The following NCKAP5 variants were observed in gnomAD, a reference collection of about 807,000 sequenced individuals.
NCKAP5 encodes nck-associated protein 5.
NCKAP5 carries 92 observed loss-of-function variants against 167.0 expected under a neutral mutation model. That is an observed-to-expected ratio of 0.55 (90% CI 0.47 to 0.66). The LOEUF is 0.66. Ranked by LOEUF, NCKAP5 falls within the 30% of genes least tolerant of loss-of-function variation. The pLI is 0.00. For synonymous variants in NCKAP5, 891 were observed against 877.4 expected (o/e 1.02, Z -0.27); for missense variants, 2,378 against 2,315.0 (o/e 1.03, Z -0.56).
At chr2:132,912,836 T>TC (rs1694559212) in intron 8 of NCKAP5, among the ~76,000 whole-genome samples, 1 of 152,150 alleles carries the variant, frequency 6.6e-6, no homozygotes, top group South Asian at 2.1e-4. Context: ...TTAATCATCC[T>TC]CCCCCTGTAT....
intron 3 of NCKAP5, among the ~76,000 whole-genome samples, chr2:133,507,213 G>A (rs565801094): frequency 3.9e-5 from 6 of 152,224 alleles, no homozygotes; most frequent in African/African-American, 1.4e-4. Context: ...CTCCAAAAAC[G>A]GCAGGCCTCT....
chr2:133,276,910 G>C (rs2089752144), intron 4 of NCKAP5, among the ~76,000 whole-genome samples: 1 of 151,996 alleles, frequency 6.6e-6, no homozygotes, highest in Non-Finnish European at 1.5e-5. Context: ...ATGACACCCT[G>C]TTAATAAATC....
Position 132,783,064 on chromosome 2 carries a change from T to A in NCKAP5, c.3747A>T (p.Arg1249Ser), listed in dbSNP as rs1274640083. 1 of 1,613,786 alleles carries A rather than the reference T, an allele frequency of 6.2e-7. No individual in the cohort carries two copies. The highest frequency in any genetic ancestry group is 1.3e-5 in the African/African-American group (1 of 75,010). ...GSDGRDGVDN[R>S]SMRRSLSSSK... The stretch of plus-strand genomic sequence containing the variant: ...TGGAGGAAAGGGATCTTCTCATGGA[T>A]CTATTATCTACCCCATCCCTTCCAT... Residue 1249 changes from arginine (R) to serine (S), a missense_variant, in exon 14 of 20, where the codon AGA (arginine) becomes AGT (serine). By Grantham distance (110) the Arg-to-Ser change is moderately radical. This residue lies in a region of NCKAP5 where 1,325 missense variants were observed against 1,274.5 expected (regional missense o/e 1.04). Transcript: ENST00000409261.
intron 5 of NCKAP5, among the ~76,000 whole-genome samples, chr2:133,142,715 A>G (rs936687868): frequency 6.6e-6 from 1 of 152,168 alleles, no homozygotes; most frequent in Non-Finnish European, 1.5e-5. Flanking sequence ...TGAGGTCACT[A>G]AGTCCAATTG....
intron 6 of NCKAP5, among the ~76,000 whole-genome samples, chr2:133,085,877 G>C (rs928968535): frequency 6.6e-6 from 1 of 152,160 alleles, no homozygotes; most frequent in Non-Finnish European, 1.5e-5. Flanking sequence ...AAGTAGATGA[G>C]AAAAGGTAAA....
intron 8 of NCKAP5, among the ~76,000 whole-genome samples, chr2:132,955,300 G>T (rs1392533195): frequency 6.6e-6 from 1 of 152,192 alleles, no homozygotes; most frequent in Non-Finnish European, 1.5e-5. Flanking sequence ...AGCCACTGAA[G>T]AGCACTTTGG....
At chr2:133,564,802 C>T (rs1030100843) in intron 1 of NCKAP5, among the ~76,000 whole-genome samples, 1 of 152,046 alleles carries the variant, frequency 6.6e-6, no homozygotes, top group Non-Finnish European at 1.5e-5. Context: ...CAGGTGCCAC[C>T]GTGGGAAAGG....
intron 3 of NCKAP5, among the ~76,000 whole-genome samples, chr2:133,385,275 A>G (rs1386188159): frequency 1.3e-5 from 2 of 152,160 alleles, no homozygotes; most frequent in African/African-American, 4.8e-5. Context: ...GAATTTTGTC[A>G]AAGGCCTTTT....
chr2:133,028,948 A>G (rs1262644338), intron 6 of NCKAP5, among the ~76,000 whole-genome samples: 1 of 152,164 alleles, frequency 6.6e-6, no homozygotes, highest in African/African-American at 2.4e-5. Flanking sequence ...TGGTTTCACC[A>G]TGTGATGTGC....
At chr2:133,315,477 A>G (rs1267998497) in intron 3 of NCKAP5, among the ~76,000 whole-genome samples, 1 of 152,174 alleles carries the variant, frequency 6.6e-6, no homozygotes, top group Admixed American at 6.5e-5. Flanking sequence ...GTCATTACAT[A>G]TGAAAGAGTA....
At chr2:133,546,669 C>G (rs562640419) in intron 2 of NCKAP5, among the ~76,000 whole-genome samples, 4 of 151,972 alleles carry the variant, frequency 2.6e-5, no homozygotes, top group Admixed American at 2.6e-4. Context: ...AAAAACAAAA[C>G]AAAACAAAAC....
intron 3 of NCKAP5, among the ~76,000 whole-genome samples, chr2:133,488,796 G>A (rs1681152693): frequency 6.6e-6 from 1 of 152,104 alleles, no homozygotes; most frequent in Non-Finnish European, 1.5e-5. Context: ...CGCACCTATA[G>A]TCTCAGCTAC....
chr2:132,915,163 T>C (rs923014976), intron 8 of NCKAP5, among the ~76,000 whole-genome samples: 2 of 152,040 alleles, frequency 1.3e-5, no homozygotes, highest in African/African-American at 4.8e-5. Context: ...ATTTGATGGA[T>C]CTGCTAGACT....
At chr2:133,055,916 G>A (rs192260607) in intron 6 of NCKAP5, among the ~76,000 whole-genome samples, 205 of 152,208 alleles carry the variant, frequency 1.3e-3, no homozygotes, top group Admixed American at 3.3e-3. Context: ...ATTTTATCAT[G>A]AGCTTTAATT....
chr2:132,794,263 T>TATATATATAG (rs762281677), intron 12 of NCKAP5, among the ~76,000 whole-genome samples: 2 of 11,914 alleles, frequency 1.7e-4, no homozygotes, highest in African/African-American at 2.3e-4. Context: ...TATATATATA[T>TATATATATAG]AGAGAGAGAG....
the NCKAP5 span, among the ~76,000 whole-genome samples, chr2:133,616,582 C>A: frequency 6.6e-6 from 1 of 152,130 alleles, no homozygotes; most frequent in Non-Finnish European, 1.5e-5. Context: ...GACACACACA[C>A]TCTCCCAAGA....
chr2:133,578,462 A>G, the NCKAP5 span, among the ~76,000 whole-genome samples: 1 of 152,224 alleles, frequency 6.6e-6, no homozygotes, highest in African/African-American at 2.4e-5. Flanking sequence ...GGAAGCCTCC[A>G]GCTGCCAGCT....
intron 16 of NCKAP5, among the ~76,000 whole-genome samples, chr2:132,754,305 G>T (rs1680358774): frequency 6.6e-6 from 1 of 152,030 alleles, no homozygotes; most frequent in Non-Finnish European, 1.5e-5. Flanking sequence ...AGTACTTCTG[G>T]AAGACCCCAA....
intron 11 of NCKAP5, among the ~76,000 whole-genome samples, chr2:132,833,569 C>T (rs1687671831): frequency 6.6e-6 from 1 of 152,118 alleles, no homozygotes; most frequent in Non-Finnish European, 1.5e-5. Context: ...CAGCTTAATT[C>T]TTCTGCAAAT....
Sources: allele counts gnomAD v4.1 joint callset (sites outside exome capture counted in the v4.1 genomes callset), GRCh38; gene constraint gnomAD v4.1.1; regional missense constraint gnomAD v4.1.1; transcripts MANE v1.5; gene names NCBI Gene and HGNC (gene_info 2026-07-23, HGNC 2026-07-21).